Variants in UNC5C observed in about 807,000 individuals in gnomAD.
The protein encoded by UNC5C is netrin receptor UNC5C.
In UNC5C, 47 loss-of-function variants were observed where a neutral mutation model predicts 99.8. The observed-to-expected ratio is 0.47, with a 90% confidence interval of 0.37 to 0.60. The LOEUF (loss-of-function observed/expected upper bound fraction) is 0.60, where lower values mean the gene tolerates loss of function less well. Among genes scored for constraint, UNC5C ranks in the 20% least tolerant of loss-of-function variants. The probability of loss-of-function intolerance (pLI) is 0.00; values close to 1 mark genes in which losing one functional copy is unlikely to be tolerated. For missense variants in UNC5C, 1,062 were observed against 1,165.9 expected, an observed-to-expected ratio of 0.91 and a Z score of 1.30; for synonymous variants, 487 against 452.2, an observed-to-expected ratio of 1.08 and a Z score of -0.98.
intron 1 of UNC5C, among the ~76,000 whole-genome samples, chr4:95,523,716 A>T (rs750730669): frequency 3.0e-4 from 45 of 152,228 alleles, no homozygotes; most frequent in Admixed American, 1.0e-3. Context: ...TTGCTGTTAA[A>T]ACCATGTACT....
At chr4:95,214,243 C>T (rs1366399167) in intron 10 of UNC5C, among the ~76,000 whole-genome samples, 2 of 152,144 alleles carry the variant, frequency 1.3e-5, no homozygotes, top group Non-Finnish European at 2.9e-5. Context: ...AAACTGTTAT[C>T]CTCCTGTGTT....
intron 1 of UNC5C, among the ~76,000 whole-genome samples, chr4:95,339,865 T>G (rs997132485): frequency 1.3e-5 from 2 of 151,198 alleles, no homozygotes; most frequent in Non-Finnish European, 2.9e-5. Context: ...GTACATTGAA[T>G]TCAGTATTAA....
chr4:95,458,784 A>C (rs1320779354), intron 1 of UNC5C, among the ~76,000 whole-genome samples: 1 of 152,090 alleles, frequency 6.6e-6, no homozygotes, highest in African/African-American at 2.4e-5. Context: ...TTTAATCCCC[A>C]TAATGATCCA....
intron 1 of UNC5C, among the ~76,000 whole-genome samples, chr4:95,412,077 G>T (rs1029665324): frequency 2.0e-5 from 3 of 151,124 alleles, no homozygotes; most frequent in Non-Finnish European, 4.4e-5. Context: ...CCCACTTCCT[G>T]GTTGGCATAG....
intron 12 of UNC5C, among the ~76,000 whole-genome samples, chr4:95,192,346 C>T (rs1294218878): frequency 3.9e-5 from 5 of 128,838 alleles, no homozygotes; most frequent in South Asian, 3.0e-4. Flanking sequence ...CTCACCTTCT[C>T]CCCTGCTCAC....
rs533461364 is a variant in UNC5C, at chr4:95,546,566, A to C, written c.124+2168T>G. The stretch of plus-strand genomic sequence containing the variant: ...CAAACAAAAATTTTACTAATCAAAA[A>C]CTGAAGGAACTAAATAAACGAAATG... On this transcript the variant is annotated intron_variant, in intron 1 of 15. Transcript: ENST00000453304. 4.6e-5 allele frequency among the ~76,000 whole-genome samples: 7 copies of C among 152,328 alleles called. No homozygotes were observed. In the South Asian group the frequency reaches 1.0e-3, roughly 23 times the overall value.
intron 3 of UNC5C, among the ~76,000 whole-genome samples, chr4:95,283,628 A>G (rs2149396386): frequency 6.6e-6 from 1 of 152,330 alleles, no homozygotes; most frequent in Admixed American, 6.5e-5. Context: ...CACAGGGGTG[A>G]CGAATGAATA....
At chr4:95,489,821 TTGTA>T (rs1325181372) in intron 1 of UNC5C, among the ~76,000 whole-genome samples, 6 of 151,332 alleles carry the variant, frequency 4.0e-5, no homozygotes, top group Non-Finnish European at 8.9e-5. Flanking sequence ...TATGGATAGG[TTGTA>T]TGTGAGGAGC....
chr4:95,363,466 C>T (rs1399770581), intron 1 of UNC5C, among the ~76,000 whole-genome samples: 1 of 152,102 alleles, frequency 6.6e-6, no homozygotes, highest in Non-Finnish European at 1.5e-5. Context: ...ACATTGTTGC[C>T]TCAGTGATAA....
intron 2 of UNC5C, among the ~76,000 whole-genome samples, chr4:95,323,517 C>G (rs1228365197): frequency 1.3e-5 from 2 of 152,190 alleles, no homozygotes; most frequent in Admixed American, 1.3e-4. Flanking sequence ...TTAAGCTGAA[C>G]TAAATGACTG....
rs367744238 is a variant in UNC5C, at chr4:95,410,164, C to T, written c.125-74533G>A. On this transcript the variant is annotated intron_variant, in intron 1 of 15. Coordinates refer to ENST00000453304, the MANE Select transcript of UNC5C (RefSeq NM_003728.4). ...TGTAAGGAGGGTATTACTCCTTCTTCTTTGCAGATGACACCGCTGATTTTC... is the reference window on the plus strand; with the variant it reads ...TGTAAGGAGGGTATTACTCCTTCTTTTTTGCAGATGACACCGCTGATTTTC... Among the ~76,000 whole-genome samples, 5 of 152,148 alleles carry T rather than the reference C, an allele frequency of 3.3e-5. No individual in the cohort carries two copies. The East Asian group carries it at 9.6e-4, about 29-fold the overall frequency.
intron 1 of UNC5C, among the ~76,000 whole-genome samples, chr4:95,402,022 T>C (rs1745715957): frequency 6.6e-6 from 1 of 152,234 alleles, no homozygotes; most frequent in South Asian, 2.1e-4. Context: ...GCTTCTCCTG[T>C]CTTCATGCAA....
At position 95,421,711 on chromosome 4, in the gene UNC5C, T is replaced by C. The variant is rs1038801838; in HGVS notation, c.125-86080A>G. On this transcript the variant is annotated intron_variant, in intron 1 of 15. Coordinates refer to ENST00000453304, the MANE Select transcript of UNC5C (RefSeq NM_003728.4). ...TAATCATGTTTGACAAACACACGTT[T>C]ATGAATAATTTACTATAACTATTTC... Among the ~76,000 whole-genome samples the C allele has an allele frequency of 3.9e-5, 6 of 152,164 alleles. No individual in the cohort carries two copies. The South Asian group carries it at 1.2e-3, about 32-fold the overall frequency.
intron 1 of UNC5C, among the ~76,000 whole-genome samples, chr4:95,545,820 A>C (rs1366975909): frequency 1.3e-5 from 2 of 151,626 alleles, no homozygotes; most frequent in Non-Finnish European, 2.9e-5. Flanking sequence ...AAAATCTTTC[A>C]TTCTTGGAAG....
intron 4 of UNC5C, among the ~76,000 whole-genome samples, chr4:95,275,766 T>A (rs1402315739): frequency 2.0e-5 from 3 of 152,176 alleles, no homozygotes; most frequent in African/African-American, 4.8e-5. Flanking sequence ...GACTACTTCC[T>A]CAATAGAACT....
At chr4:95,344,674 A>G (rs576355555) in intron 1 of UNC5C, among the ~76,000 whole-genome samples, 18 of 152,230 alleles carry the variant, frequency 1.2e-4, no homozygotes, top group South Asian at 4.1e-4. Flanking sequence ...ATAAATAGAA[A>G]CAACAAAAAG....
intron 1 of UNC5C, among the ~76,000 whole-genome samples, chr4:95,450,922 A>C (rs1256260248): frequency 6.6e-6 from 1 of 152,202 alleles, no homozygotes; most frequent in Non-Finnish European, 1.5e-5. Flanking sequence ...AGCATGCCCC[A>C]AAAGACTAAT....
At chr4:95,481,246 G>A (rs13135115) in intron 1 of UNC5C, among the ~76,000 whole-genome samples, 2,618 of 151,384 alleles carry the variant, frequency 0.017, 65 homozygotes, top group African/African-American at 0.061. Context: ...TCATGAGTGA[G>A]CTCCCATTCA....
intron 4 of UNC5C, among the ~76,000 whole-genome samples, chr4:95,275,161 T>C (rs1325691723): frequency 6.6e-6 from 1 of 152,124 alleles, no homozygotes; most frequent in African/African-American, 2.4e-5. Flanking sequence ...CACAATATTG[T>C]CTTCATTTGT....
Sources: gnomAD v4.1 joint callset for allele counts (sites outside exome capture counted in the v4.1 genomes callset) on GRCh38, gnomAD v4.1.1 for gene constraint, MANE v1.5 for transcripts, NCBI Gene and HGNC (gene_info 2026-07-23, HGNC 2026-07-21) for gene names.